Variants in NRG1 observed in about 807,000 individuals in gnomAD.
NRG1 encodes pro-neuregulin-1, membrane-bound isoform.
NRG1 carries 18 observed loss-of-function variants against 63.8 expected under a neutral mutation model. The ratio of observed to expected loss-of-function variants is 0.28; its 90% CI spans 0.19 to 0.42. The LOEUF (loss-of-function observed/expected upper bound fraction) is 0.42. Ranked by LOEUF, NRG1 falls within the 10% of genes least tolerant of loss-of-function variation. The probability of loss-of-function intolerance (pLI) is 1.00; values close to 1 mark genes in which losing one functional copy is unlikely to be tolerated. For synonymous variants in NRG1, 302 were observed against 301.3 expected (o/e 1.00, Z -0.02); for missense variants, 762 against 814.7 (o/e 0.94, Z 0.79).
intron 1 of NRG1, among the ~76,000 whole-genome samples, chr8:32,268,073 A>G (rs893255961): frequency 3.7e-4 from 57 of 152,146 alleles, no homozygotes; most frequent in African/African-American, 1.3e-3. Flanking sequence ...TTACTTCCTT[A>G]TTGACTTTGA....
intron 1 of NRG1, among the ~76,000 whole-genome samples, chr8:31,893,608 A>G (rs776370): frequency 0.52 from 79,115 of 151,312 alleles, 21,377 homozygotes; most frequent in East Asian, 0.75. Flanking sequence ...GACAAAAGCC[A>G]TATATGTAGA....
chr8:32,754,503 T>G (rs1360338729), intron 8 of NRG1, 29 bp downstream of exon 8: 1 of 1,601,108 alleles, frequency 6.2e-7, no homozygotes, highest in East Asian at 2.2e-5. Flanking sequence ...TGCCTTTCTC[T>G]CTCCTTCATG....
At chr8:32,692,511 A>C (rs1054544337) in intron 5 of NRG1, among the ~76,000 whole-genome samples, 1 of 152,198 alleles carries the variant, frequency 6.6e-6, no homozygotes, top group Non-Finnish European at 1.5e-5. Flanking sequence ...TGGTATAATG[A>C]AGGCTTCCTG....
At position 32,476,842 on chromosome 8, in the gene NRG1, C is replaced by T. The variant is rs556961320; in HGVS notation, c.38-118986C>T. ...CCAGCTGGCCCTGCCGTCTCTTGAC[C>T]TCTACAAGAGCCAGCAAGATTGATG... On this transcript the variant is annotated intron_variant, in intron 1 of 10. Transcript: ENST00000519301. 7.2e-5 allele frequency among the ~76,000 whole-genome samples: 11 copies of T among 152,280 alleles called. No homozygotes were observed. The South Asian group carries it at 2.1e-3, about 29-fold the overall frequency.
chr8:32,693,731 A>G (rs182179370), intron 5 of NRG1, among the ~76,000 whole-genome samples: 2 of 152,274 alleles, frequency 1.3e-5, no homozygotes, highest in East Asian at 1.9e-4. Context: ...ATGTACTTTA[A>G]TGTGTATATT....
intron 8 of NRG1, among the ~76,000 whole-genome samples, chr8:32,754,740 A>G (rs1249475312): frequency 6.6e-6 from 1 of 152,284 alleles, no homozygotes. Context: ...ACAGGCTTGT[A>G]TGGAAGGTAT....
intron 7 of NRG1, among the ~76,000 whole-genome samples, chr8:32,746,464 T>G (rs1386677222): frequency 6.6e-6 from 1 of 152,162 alleles, no homozygotes; most frequent in Non-Finnish European, 1.5e-5. Context: ...TGCATGGATA[T>G]ATAATTTTTG....
intron 1 of NRG1, among the ~76,000 whole-genome samples, chr8:31,682,299 T>G (rs1387758262): frequency 3.3e-5 from 5 of 152,132 alleles, no homozygotes; most frequent in Non-Finnish European, 5.9e-5. Context: ...AATGAGAGTT[T>G]CTGTTGCTCC....
At chr8:31,980,891 A>G (rs1210690504) in intron 1 of NRG1, among the ~76,000 whole-genome samples, 1 of 152,096 alleles carries the variant, frequency 6.6e-6, no homozygotes, top group Non-Finnish European at 1.5e-5. Context: ...TGAAATAAAA[A>G]TTATATGTCA....
At chr8:32,211,773 C>A (rs1844725585) in intron 1 of NRG1, among the ~76,000 whole-genome samples, 1 of 152,142 alleles carries the variant, frequency 6.6e-6, no homozygotes, top group African/African-American at 2.4e-5. Flanking sequence ...ACACAGCAGG[C>A]TTGAATTTTT....
At chr8:32,205,705 A>G (rs1387740484) in intron 1 of NRG1, among the ~76,000 whole-genome samples, 1 of 152,194 alleles carries the variant, frequency 6.6e-6, no homozygotes, top group Non-Finnish European at 1.5e-5. Context: ...TGCTACTGCT[A>G]AAGATATGGA....
intron 1 of NRG1, among the ~76,000 whole-genome samples, chr8:31,894,549 T>TC (rs200378804): frequency 0.063 from 7,030 of 110,852 alleles, 322 homozygotes; most frequent in Admixed American, 0.13. Context: ...TTTCTTTCTT[T>TC]TTTCTTTTTT....
chr8:32,704,597 G>C (rs1282316982), intron 5 of NRG1, among the ~76,000 whole-genome samples: 1 of 152,142 alleles, frequency 6.6e-6, no homozygotes, highest in Non-Finnish European at 1.5e-5. Context: ...AGAATCCTTG[G>C]TTTCCCAAGG....
intron 1 of NRG1, among the ~76,000 whole-genome samples, chr8:32,465,675 A>G (rs1164948734): frequency 6.6e-6 from 1 of 152,254 alleles, no homozygotes; most frequent in Admixed American, 6.5e-5. Flanking sequence ...TTATTTCGGG[A>G]AATTGCTCTA....
intron 5 of NRG1, among the ~76,000 whole-genome samples, chr8:32,627,716 T>TA (rs1398417431): frequency 1.3e-5 from 2 of 152,138 alleles, no homozygotes; most frequent in African/African-American, 4.8e-5. Context: ...TGGTAAATTT[T>TA]AAAAAGGATG....
At chr8:32,725,835 ATAAG>A (rs906595752) in intron 5 of NRG1, among the ~76,000 whole-genome samples, 15 of 152,062 alleles carry the variant, frequency 9.9e-5, no homozygotes, top group African/African-American at 3.4e-4. Flanking sequence ...TAGCACCTAA[ATAAG>A]TAGTTTTTTA....
chr8:32,189,503 G>A (rs1436252923), intron 1 of NRG1, among the ~76,000 whole-genome samples: 1 of 152,092 alleles, frequency 6.6e-6, no homozygotes, highest in African/African-American at 2.4e-5. Context: ...TTAGTAATGT[G>A]CAATTGGTAA....
chr8:31,760,764 A>C (rs1276981813), intron 1 of NRG1, among the ~76,000 whole-genome samples: 1 of 152,192 alleles, frequency 6.6e-6, no homozygotes, highest in African/African-American at 2.4e-5. Context: ...ACCATCTCAC[A>C]CCAGTTAGAA....
intron 1 of NRG1, among the ~76,000 whole-genome samples, chr8:31,928,352 TAAAAAAAAAA>T (rs77001238): frequency 4.6e-4 from 37 of 80,116 alleles, no homozygotes; most frequent in African/African-American, 1.7e-3. Context: ...ATGGATGTGG[TAAAAAAAAAA>T]AAAAAAAAAA....
Sources: gnomAD v4.1 joint callset for allele counts (sites outside exome capture counted in the v4.1 genomes callset) on GRCh38, gnomAD v4.1.1 for gene constraint, MANE v1.5 for transcripts, NCBI Gene and HGNC (gene_info 2026-07-23, HGNC 2026-07-21) for gene names.